AGBL2: variants seen among roughly 807,000 people sequenced by gnomAD.
The protein encoded by AGBL2 is cytosolic carboxypeptidase 2.
Under a neutral mutation model 103.0 loss-of-function variants are expected in AGBL2, and 87 were observed. The ratio of observed to expected loss-of-function variants is 0.84; its 90% confidence interval spans 0.71 to 1.01. The LOEUF is 1.01. AGBL2 is among the 50% of genes least tolerant of loss of function. The probability of loss-of-function intolerance (pLI) is 0.00; values close to 1 mark genes in which losing one functional copy is unlikely to be tolerated. For synonymous variants in AGBL2, 335 were observed against 356.7 expected (o/e 0.94, Z 0.69); for missense variants, 904 against 1,023.5 (o/e 0.88, Z 1.59).
chr11:47,679,532 A>G (rs566022002), intron 13 of AGBL2, among the ~76,000 whole-genome samples: 1 of 151,990 alleles, frequency 6.6e-6, no homozygotes, highest in South Asian at 2.1e-4. Flanking sequence ...GGGCTTTCTT[A>G]TTTTCTTTTA....
chr11:47,701,689 G>A (rs1403499023), intron 7 of AGBL2, among the ~76,000 whole-genome samples: 3 of 151,464 alleles, frequency 2.0e-5, no homozygotes, highest in Non-Finnish European at 2.9e-5. Flanking sequence ...AATGAGCCAG[G>A]TGGCCGGGCA....
Position 47,704,581 on chromosome 11 carries a change from A to G in AGBL2, c.548T>C (p.Ile183Thr), listed in dbSNP as rs1236891564. The G allele has an allele frequency of 4.3e-6, 7 of 1,613,942 alleles. No homozygotes were observed. Among genetic ancestry groups the G allele is most frequent in the South Asian group, 3.3e-5 (3 of 91,084 alleles). Residue 183 changes from isoleucine (I) to threonine (T), a missense_variant, in exon 7 of 19, where the codon ATT becomes ACT. Coordinates refer to ENST00000525123, the MANE Select transcript of AGBL2 (RefSeq NM_024783.4). ...KRPLQAPRWP[I>T]ECEVIKENIH... ...GTTTTCCTTGATGACCTCACATTCA[A>G]TTGGCCATCTTGGAGCCTGCAGTGG...
intron 8 of AGBL2, among the ~76,000 whole-genome samples, chr11:47,696,974 G>A (rs1398176934): frequency 6.6e-6 from 1 of 151,938 alleles, no homozygotes; most frequent in Non-Finnish European, 1.5e-5. Flanking sequence ...CTGTCACCCA[G>A]GCTGAGTATA....
intron 9 of AGBL2, among the ~76,000 whole-genome samples, chr11:47,691,553 A>G (rs1255154137): frequency 6.8e-6 from 1 of 146,890 alleles, no homozygotes; most frequent in African/African-American, 2.5e-5. Flanking sequence ...TAAAAATACA[A>G]AAAAATTAGC....
At chr11:47,703,625 T>A (rs1345992479) in intron 7 of AGBL2, among the ~76,000 whole-genome samples, 1 of 151,994 alleles carries the variant, frequency 6.6e-6, no homozygotes, top group Non-Finnish European at 1.5e-5. Context: ...ACGCTGACTC[T>A]AATAAAAATA....
chr11:47,698,441 G>C (rs1450585734), intron 8 of AGBL2, among the ~76,000 whole-genome samples: 1 of 152,118 alleles, frequency 6.6e-6, no homozygotes, highest in Non-Finnish European at 1.5e-5. Context: ...CAAAGTGCTG[G>C]GATTATAGGC....
At chr11:47,707,267 G>T (rs1470864555) in intron 4 of AGBL2, among the ~76,000 whole-genome samples, 1 of 152,114 alleles carries the variant, frequency 6.6e-6, no homozygotes, top group African/African-American at 2.4e-5. Flanking sequence ...TACATCAAGG[G>T]TAAATTACTG....
At chr11:47,687,795 TTTTC>T (rs1235198108) in intron 10 of AGBL2, among the ~76,000 whole-genome samples, 8 of 150,184 alleles carry the variant, frequency 5.3e-5, no homozygotes, top group Admixed American at 1.3e-4. Flanking sequence ...TTCTTTTTTC[TTTTC>T]TTTCTTTCTT....
In AGBL2 at chr11:47,704,422, G is replaced by T. The variant is rs1389068694; in HGVS notation, c.586+121C>A. 5.2e-6 allele frequency: 4 copies of T among 765,232 alleles called. No homozygotes were observed. In the Admixed American group the frequency reaches 1.1e-4, roughly 22 times the overall value. The allele number at this position is 765,232 out of a possible 1,614,324, so 47.4% of individuals were successfully genotyped here. A position where few individuals can be genotyped will look rare whatever the true frequency, so the allele number is the denominator to read the frequency against. ...CCCTTGAACCTGGGAGACAGAGGTT[G>T]CAGTGAGCTGAGATTGCGCCATTGC... On this transcript the variant is annotated intron_variant, in intron 7 of 18. Transcript: ENST00000525123.
At chr11:47,697,640 G>A (rs2097481104) in intron 8 of AGBL2, among the ~76,000 whole-genome samples, 1 of 146,260 alleles carries the variant, frequency 6.8e-6, no homozygotes, top group Non-Finnish European at 1.5e-5. Context: ...GTGCCTCCCG[G>A]GTTCACGCCA....
intron 7 of AGBL2, among the ~76,000 whole-genome samples, chr11:47,703,932 A>AAAAAAAAAC (rs1246227921): frequency 2.9e-5 from 4 of 137,186 alleles, no homozygotes; most frequent in African/African-American, 4.9e-5. Context: ...TCTCAAAAAA[A>AAAAAAAAAC]AAAAAAAACA....
chr11:47,704,537 T>C lies in AGBL2; in HGVS notation c.586+6A>G. On this transcript the variant is annotated splice_donor_region_variant and intron_variant, in intron 7 of 18. Coordinates refer to ENST00000525123, the MANE Select transcript of AGBL2 (RefSeq NM_024783.4). The stretch of plus-strand genomic sequence containing the variant: ...TAGCAAGACCACTGTGAGTAAGTCA[T>C]ATTACCAATATGATGGATGTTTTCC... 1 of 1,593,034 alleles carries C rather than the reference T, an allele frequency of 6.3e-7. No individual in the cohort carries two copies.
intron 14 of AGBL2, among the ~76,000 whole-genome samples, chr11:47,669,680 T>TAA (rs78511252): frequency 4.9e-5 from 7 of 143,250 alleles, no homozygotes; most frequent in Admixed American, 1.4e-4. Context: ...GCTGTCTCAA[T>TAA]AAAAAAAAAA....
At chr11:47,695,183 C>T (rs1467793004) in intron 8 of AGBL2, among the ~76,000 whole-genome samples, 1 of 145,656 alleles carries the variant, frequency 6.9e-6, no homozygotes, top group Non-Finnish European at 1.5e-5. Flanking sequence ...AACAAAAACG[C>T]CACAACAAAG....
chr11:47,713,533 T>TAA (rs2097541570), intron 3 of AGBL2, among the ~76,000 whole-genome samples: 1 of 150,460 alleles, frequency 6.6e-6, no homozygotes, highest in South Asian at 2.1e-4. Flanking sequence ...TCAAAATAAA[T>TAA]AAAAAATAAA....
At chr11:47,694,208 T>G (rs1428311701) in intron 8 of AGBL2, among the ~76,000 whole-genome samples, 1 of 150,572 alleles carries the variant, frequency 6.6e-6, no homozygotes, top group Non-Finnish European at 1.5e-5. Flanking sequence ...CATTCATTCA[T>G]TCATTCACTC....
intron 13 of AGBL2, among the ~76,000 whole-genome samples, chr11:47,678,519 G>A (rs2097387199): frequency 6.7e-6 from 1 of 148,474 alleles, no homozygotes; most frequent in African/African-American, 2.5e-5. Context: ...ATTTTTAGTA[G>A]AGATGGGGGT....
intron 17 of AGBL2, among the ~76,000 whole-genome samples, chr11:47,663,833 G>A (rs567308296): frequency 2.0e-5 from 3 of 151,534 alleles, no homozygotes; most frequent in South Asian, 4.2e-4. Context: ...TGGAATTACA[G>A]GCATGAGCCA....
rs986494615 is a variant in AGBL2 at position 47,680,088 on chromosome 11, A to C, written c.1916-15T>G. On this transcript the variant is annotated splice_polypyrimidine_tract_variant and intron_variant, in intron 12 of 18. Coordinates refer to ENST00000525123, the MANE Select transcript of AGBL2 (RefSeq NM_024783.4). Reference sequence around the variant, plus strand: ...TCTTTTATTACCTGGAAAAAAAAAAAACCCCGCAAACATTTCCAATTAAAT... The same window carrying C: ...TCTTTTATTACCTGGAAAAAAAAAACACCCCGCAAACATTTCCAATTAAAT... 13 of 1,427,834 alleles carry C rather than the reference A, an allele frequency of 9.1e-6. No individual in the cohort carries two copies. Among genetic ancestry groups the C allele is most frequent in the Middle Eastern group, 3.8e-4 (2 of 5,310 alleles). 88.4% of individuals were successfully genotyped at this position (1,427,834 alleles called of 1,614,324 possible).
Sources: allele counts gnomAD v4.1 joint callset (sites outside exome capture counted in the v4.1 genomes callset), GRCh38; gene constraint gnomAD v4.1.1; transcripts MANE v1.5; gene names NCBI Gene and HGNC (gene_info 2026-07-23, HGNC 2026-07-21).